ZNF678: variants seen among roughly 807,000 people sequenced by gnomAD.
ZNF678 encodes the protein zinc finger protein 678.
In ZNF678, 5 loss-of-function variants were observed where a neutral mutation model predicts 3.0. That is an observed-to-expected ratio of 1.69 (90% CI 0.88 to 3.56). The LOEUF is 3.56. Ranked by LOEUF, ZNF678 falls within the 30% of genes most tolerant of loss-of-function variation. The pLI, the probability that ZNF678 is intolerant of heterozygous loss-of-function variation, is 0.00. For synonymous variants in ZNF678, 218 were observed against 199.6 expected (o/e 1.09, Z -0.78); for missense variants, 593 against 605.0 (o/e 0.98, Z 0.21).
intron 1 of ZNF678, among the ~76,000 whole-genome samples, chr1:227,601,129 T>C (rs1298882352): frequency 2.0e-5 from 3 of 152,228 alleles, no homozygotes; most frequent in Admixed American, 2.0e-4. Flanking sequence ...TTTCTGTTTT[T>C]GTATCAGTAC....
intron 5 of ZNF678, among the ~76,000 whole-genome samples, chr1:227,669,511 C>T (rs1421505639): frequency 2.0e-5 from 3 of 151,896 alleles, no homozygotes; most frequent in Non-Finnish European, 4.4e-5. Context: ...TAGCCAGGTG[C>T]GGTGGCGTGC....
intron 1 of ZNF678, among the ~76,000 whole-genome samples, chr1:227,572,316 G>A (rs1656868105): frequency 6.6e-6 from 1 of 152,262 alleles, no homozygotes; most frequent in South Asian, 2.1e-4. Flanking sequence ...GAAGCAGGTT[G>A]TGATGACTTG....
At chr1:227,615,843 C>T (rs1362833535) in intron 1 of ZNF678, among the ~76,000 whole-genome samples, 1 of 152,178 alleles carries the variant, frequency 6.6e-6, no homozygotes. Flanking sequence ...TTTGGTAGTC[C>T]AGCCCTGGTT....
At chr1:227,611,150 C>T (rs918358094) in intron 1 of ZNF678, among the ~76,000 whole-genome samples, 12 of 152,190 alleles carry the variant, frequency 7.9e-5, no homozygotes, top group Non-Finnish European at 1.3e-4. Context: ...TGGGCTACCT[C>T]GGTAGTCCTC....
chr1:227,669,502 A>C lies in ZNF678; in HGVS notation c.227-7677A>C, dbSNP rs1659563668. Among the ~76,000 whole-genome samples the C allele has an allele frequency of 2.0e-5, 3 of 152,182 alleles. No homozygotes were observed. The South Asian group carries it at 6.2e-4, about 32-fold the overall frequency. On this transcript the variant is annotated intron_variant, in intron 5 of 5. Coordinates refer to the ZNF678 transcript ENST00000608949. ...ATATATATATATCTAAAAAAAAATT[A>C]GCCAGGTGCGGTGGCGTGCGCCTGT...
intron 1 of ZNF678, among the ~76,000 whole-genome samples, chr1:227,618,725 GTTTTTGTTTTTGTTT>G (rs1488229159): frequency 1.6e-4 from 24 of 151,940 alleles, no homozygotes; most frequent in Non-Finnish European, 3.1e-4. Flanking sequence ...TGTTTTTGTT[GTTTTTGTTTTTGTTT>G]TTTTGTTTGT....
At chr1:227,671,711 C>T (rs1378448248) in intron 5 of ZNF678, among the ~76,000 whole-genome samples, 3 of 152,142 alleles carry the variant, frequency 2.0e-5, no homozygotes, top group Non-Finnish European at 2.9e-5. Flanking sequence ...CAATATGACT[C>T]CAATCTACCT....
In ZNF678 at chr1:227,571,359, G is replaced by A. The variant is rs16847956; in HGVS notation, c.-164+7635G>A. Among the ~76,000 whole-genome samples the A allele has an allele frequency of 6.9e-3, 1,051 of 152,206 alleles. 16 individuals are homozygous for A. Among genetic ancestry groups the A allele is most frequent in the African/African-American group, 0.024 (985 of 41,528 alleles). ...TCCATGTTCCAAACAAGATTTTATG[G>A]GTAAATGTTTCTCTCATTCTAGTTT... On this transcript the variant is annotated intron_variant, in intron 1 of 3. Transcript: ENST00000343776.
At chr1:227,564,763 G>T (rs1045282974) in intron 1 of ZNF678, among the ~76,000 whole-genome samples, 1 of 152,128 alleles carries the variant, frequency 6.6e-6, no homozygotes, top group Non-Finnish European at 1.5e-5. Flanking sequence ...AAGGAGTCTC[G>T]CTCTGTAGCC....
intron 1 of ZNF678, among the ~76,000 whole-genome samples, chr1:227,635,410 T>G (rs1406614628): frequency 1.3e-5 from 2 of 152,172 alleles, no homozygotes; most frequent in Non-Finnish European, 2.9e-5. Flanking sequence ...CATGAAGAAA[T>G]AGAAAATTTG....
intron 1 of ZNF678, among the ~76,000 whole-genome samples, chr1:227,639,795 TC>T (rs1396870859): frequency 6.6e-6 from 1 of 152,076 alleles, no homozygotes; most frequent in African/African-American, 2.4e-5. Flanking sequence ...GCAGATACAG[TC>T]CCGGTCTTCT....
intron 1 of ZNF678, among the ~76,000 whole-genome samples, chr1:227,628,690 G>A (rs1017746833): frequency 2.6e-5 from 4 of 152,232 alleles, no homozygotes; most frequent in African/African-American, 4.8e-5. Context: ...CAGGTGGCGA[G>A]GAAGTTTAAG....
intron 1 of ZNF678, among the ~76,000 whole-genome samples, chr1:227,592,926 T>A (rs1238535976): frequency 6.6e-6 from 1 of 152,260 alleles, no homozygotes; most frequent in Admixed American, 6.5e-5. Flanking sequence ...GAACAAGGGC[T>A]GACTGATTCA....
At position 227,634,856 on chromosome 1, in the gene ZNF678, G is replaced by A. The variant is rs117954662; in HGVS notation, c.-163-11688G>A. On this transcript the variant is annotated intron_variant, in intron 1 of 3. Transcript: ENST00000343776. ...TACCTGCTAATTTTAGAACCCCAGG[G>A]CTTTGAGAAAACATAGGTGGTAGTA... Among the ~76,000 whole-genome samples the A allele has an allele frequency of 4.6e-3, 702 of 152,276 alleles. 19 individuals are homozygous for A. The South Asian group carries it at 0.057, about 12-fold the overall frequency.
intron 1 of ZNF678, among the ~76,000 whole-genome samples, chr1:227,604,252 C>CA (rs1657809004): frequency 6.6e-6 from 1 of 152,156 alleles, no homozygotes; most frequent in Admixed American, 6.6e-5. Flanking sequence ...GAGAAACTAC[C>CA]AAATTGTTTT....
intron 1 of ZNF678, among the ~76,000 whole-genome samples, chr1:227,592,279 C>G (rs1657436662): frequency 1.3e-5 from 2 of 152,222 alleles, no homozygotes; most frequent in South Asian, 4.1e-4. Context: ...ATTAAAGTCA[C>G]CACAGCATGG....
At chr1:227,624,217 G>A (rs1258056651) in intron 1 of ZNF678, among the ~76,000 whole-genome samples, 2 of 152,228 alleles carry the variant, frequency 1.3e-5, no homozygotes, top group South Asian at 2.1e-4. Context: ...TACATCTTAT[G>A]TCTTCAAGTA....
chr1:227,654,467 G>C lies in ZNF678; in HGVS notation c.217G>C (p.Val73Leu). Residue 73 changes from valine (V) to leucine (L), a missense_variant, in exon 4 of 4, where the codon GTG (valine) becomes CTG (leucine). Physicochemically the swap from Val to Leu is conservative, Grantham distance 32 (BLOSUM62 1). Transcript: ENST00000343776. ...GCACTTAGTGAAAGACTGGAGAACT[G>C]TGAATGAAGGTAAGGGGCAGAAAGA... ...NLHLVKDWRT[V>L]NEGKGQKEYC... 6.2e-7 allele frequency: 1 copy of C among 1,613,266 alleles called. No homozygotes were observed.
rs1285153211 is a variant in ZNF678, at chr1:227,658,665, T to C, written c.*2837T>C. ...TATTTTGTAGGTTGTGATAAGGAAT[T>C]TGAAATTTTTAATATAGTGAAAAAT... is the stretch of plus-strand genomic sequence containing the variant. On this transcript the variant is annotated 3_prime_UTR_variant, in exon 4 of 4. Transcript: ENST00000343776. 6.6e-6 allele frequency: 1 copy of C among 152,080 alleles called. No individual in the cohort carries two copies. The highest frequency in any genetic ancestry group is 6.6e-5 in the Admixed American group (1 of 15,248). The allele number at this position is 152,080 out of a possible 1,614,324, so 9.4% of individuals were successfully genotyped here.
Sources: allele counts gnomAD v4.1 joint callset (sites outside exome capture counted in the v4.1 genomes callset), GRCh38; gene constraint gnomAD v4.1.1; transcripts MANE v1.5; gene names NCBI Gene and HGNC (gene_info 2026-07-23, HGNC 2026-07-21).